CADPS: variants seen among roughly 807,000 people sequenced by gnomAD.
CADPS encodes calcium-dependent secretion activator 1.
A neutral mutation model predicts 167.3 loss-of-function variants in CADPS; 57 were observed. That is an observed-to-expected ratio of 0.34 (90% CI 0.28 to 0.42). The LOEUF (loss-of-function observed/expected upper bound fraction) is 0.42. CADPS is among the 20% of genes least tolerant of loss of function. The probability of loss-of-function intolerance (pLI) is 1.00; values close to 1 mark genes in which losing one functional copy is unlikely to be tolerated. For synonymous variants in CADPS, 676 were observed against 635.3 expected (o/e 1.06, Z -0.96); for missense variants, 1,414 against 1,738.1 (o/e 0.81, Z 3.32).
chr3:62,732,468 T>C (rs964502436), intron 3 of CADPS, among the ~76,000 whole-genome samples: 2 of 152,170 alleles, frequency 1.3e-5, no homozygotes, highest in African/African-American at 4.8e-5. Context: ...CGTTGCAGCC[T>C]GTGAGAGACC....
intron 13 of CADPS, chr3:62,530,585 C>T (rs1348893116): frequency 1.0e-6 from 1 of 961,610 alleles, no homozygotes; most frequent in Non-Finnish European, 1.3e-6. Context: ...GAAGTGATGG[C>T]ATGGATGGAG....
chr3:62,794,791 A>AAAAAAAAAAG (rs1387558672), intron 1 of CADPS, among the ~76,000 whole-genome samples: 4 of 151,012 alleles, frequency 2.6e-5, no homozygotes, highest in African/African-American at 9.8e-5. Context: ...AAAAAAAAAA[A>AAAAAAAAAAG]AAAAAAAAAA....
intron 5 of CADPS, 105 bp from the exon 6 acceptor site, chr3:62,645,948 T>C: frequency 1.6e-6 from 2 of 1,238,800 alleles, no homozygotes; most frequent in Non-Finnish European, 2.3e-6. Context: ...CCAACAGGTA[T>C]CTGATGGCTT....
intron 26 of CADPS, among the ~76,000 whole-genome samples, chr3:62,462,386 C>T (rs1471515358): frequency 6.6e-6 from 1 of 152,200 alleles, no homozygotes; most frequent in African/African-American, 2.4e-5. Context: ...CAGATGGAGA[C>T]GAGAAATAAA....
chr3:62,417,031 G>T (rs534098909), intron 28 of CADPS, among the ~76,000 whole-genome samples: 1 of 151,840 alleles, frequency 6.6e-6, no homozygotes, highest in East Asian at 2.0e-4. Context: ...GACTACAGGC[G>T]TGCACCACCG....
At chr3:62,651,209 C>T (rs1276880251) in intron 4 of CADPS, 129 bp from the exon 5 acceptor site, 20 of 658,952 alleles carry the variant, frequency 3.0e-5, no homozygotes, top group Non-Finnish European at 3.9e-5. Flanking sequence ...GATCTCATGG[C>T]CTTGTGCTAG....
At chr3:62,785,428 T>A (rs2092323468) in intron 1 of CADPS, among the ~76,000 whole-genome samples, 1 of 152,244 alleles carries the variant, frequency 6.6e-6, no homozygotes, top group Non-Finnish European at 1.5e-5. Context: ...GTCATACACC[T>A]TGAGCCTTGC....
intron 9 of CADPS, among the ~76,000 whole-genome samples, chr3:62,564,507 G>A (rs371024730): frequency 6.6e-6 from 1 of 152,010 alleles, no homozygotes; most frequent in African/African-American, 2.4e-5. Flanking sequence ...CATTATTAGA[G>A]GAACCACAGA....
intron 28 of CADPS, among the ~76,000 whole-genome samples, chr3:62,430,519 C>T (rs530281876): frequency 2.0e-4 from 31 of 152,100 alleles, no homozygotes; most frequent in African/African-American, 5.1e-4. Context: ...GTCATGAAAA[C>T]GAACTTGGAT....
intron 3 of CADPS, among the ~76,000 whole-genome samples, chr3:62,736,297 C>T (rs1341102420): frequency 3.3e-5 from 5 of 152,160 alleles, no homozygotes; most frequent in African/African-American, 7.2e-5. Context: ...AGATACTGCA[C>T]GACCTGATAC....
intron 3 of CADPS, among the ~76,000 whole-genome samples, chr3:62,744,256 G>A (rs377237111): frequency 2.6e-5 from 4 of 152,154 alleles, no homozygotes; most frequent in South Asian, 2.1e-4. Flanking sequence ...AGGTCAGGAC[G>A]TAAATTATGA....
At chr3:62,662,286 C>T in intron 4 of CADPS, 28 bp downstream of exon 4, 1 of 1,595,636 alleles carries the variant, frequency 6.3e-7, no homozygotes, top group South Asian at 1.1e-5. Flanking sequence ...GGCCTGGACC[C>T]CAGCAAACAA....
chr3:62,500,181 T>C (rs1036571615), intron 17 of CADPS: 3 of 152,138 alleles, frequency 2.0e-5, no homozygotes, highest in African/African-American at 7.2e-5. Flanking sequence ...AGACGGAGTC[T>C]CATTTATTCT....
At chr3:62,549,168 G>A (rs564389762) in intron 11 of CADPS, among the ~76,000 whole-genome samples, 2 of 152,186 alleles carry the variant, frequency 1.3e-5, no homozygotes, top group East Asian at 3.9e-4. Flanking sequence ...ATGAATGTTT[G>A]GAACGAAAAT....
intron 3 of CADPS, among the ~76,000 whole-genome samples, chr3:62,723,569 G>C (rs1422540097): frequency 6.6e-6 from 1 of 152,062 alleles, no homozygotes; most frequent in African/African-American, 2.4e-5. Context: ...ATGTTTATCA[G>C]GCTAAATAGG....
At chr3:62,415,265 G>A (rs531801474) in intron 28 of CADPS, among the ~76,000 whole-genome samples, 1 of 152,186 alleles carries the variant, frequency 6.6e-6, no homozygotes, top group African/African-American at 2.4e-5. Context: ...AACGGCGCTC[G>A]GTTGCTCGGT....
intron 9 of CADPS, among the ~76,000 whole-genome samples, chr3:62,568,050 T>C (rs1362178696): frequency 6.6e-6 from 1 of 152,172 alleles, no homozygotes; most frequent in East Asian, 1.9e-4. Context: ...TTCTTCCTGC[T>C]AAAAGTTGGG....
At chr3:62,697,429 G>A (rs2151446957) in intron 3 of CADPS, among the ~76,000 whole-genome samples, 1 of 152,168 alleles carries the variant, frequency 6.6e-6, no homozygotes, top group East Asian at 1.9e-4. Flanking sequence ...TACTGAGAAT[G>A]CCATTAATTC....
chr3:62,869,097 A>G (rs769534091), intron 1 of CADPS, among the ~76,000 whole-genome samples: 2 of 152,142 alleles, frequency 1.3e-5, no homozygotes, highest in Non-Finnish European at 2.9e-5. Flanking sequence ...CCCTAATCCA[A>G]AAATCTGAAA....
Sources: allele counts gnomAD v4.1 joint callset (sites outside exome capture counted in the v4.1 genomes callset), GRCh38; gene constraint gnomAD v4.1.1; transcripts MANE v1.5; gene names NCBI Gene and HGNC (gene_info 2026-07-23, HGNC 2026-07-21).